VWF: variants seen among roughly 807,000 people sequenced by gnomAD.
VWF encodes the protein Factor VIII related antigen.
Under a neutral mutation model 308.6 loss-of-function variants are expected in VWF, and 176 were observed. That is an observed-to-expected ratio of 0.57 (90% CI 0.50 to 0.65). VWF has a LOEUF of 0.65. Ranked by LOEUF, VWF falls within the 30% of genes least tolerant of loss-of-function variation. The probability of loss-of-function intolerance (pLI) is 0.00; values close to 1 mark genes in which losing one functional copy is unlikely to be tolerated. For synonymous variants in VWF, 1,385 were observed against 1,443.4 expected, an observed-to-expected ratio of 0.96 and a Z score of 0.92; for missense variants, 3,146 against 3,648.2, an observed-to-expected ratio of 0.86 and a Z score of 3.55.
In VWF at chr12:5,948,989, C is replaced by A; in HGVS notation, c.*26G>T. 6.2e-7 allele frequency: 1 copy of A among 1,604,224 alleles called. No individual in the cohort carries two copies. The highest frequency in any genetic ancestry group is 8.5e-7 in the Non-Finnish European group (1 of 1,175,742). ...GCCATCAGGCCAAGGCAGGCAGCAG[C>A]AGGCACCCATGCAGCTGCAGCAGCC... On this transcript the variant is annotated 3_prime_UTR_variant, in exon 52 of 52. Coordinates refer to ENST00000261405, the MANE Select transcript of VWF (RefSeq NM_000552.5). The surrounding 1 kb of genome is among the most constrained non-coding windows in gnomAD (Gnocchi z 4.4).
At chr12:6,029,536 G>C (rs60831677) in intron 21 of VWF, 48 bp from the exon 22 acceptor site, 2 of 1,609,656 alleles carry the variant, frequency 1.2e-6, no homozygotes, top group Admixed American at 3.4e-5. Context: ...GGGCAGGCTC[G>C]ACAGCCAGAT....
At chr12:6,056,353 G>A (rs1020873990) in intron 15 of VWF, among the ~76,000 whole-genome samples, 1 of 142,110 alleles carries the variant, frequency 7.0e-6, no homozygotes, top group Admixed American at 6.9e-5. Flanking sequence ...AAGCCAACTG[G>A]GGACAGTGAT....
At chr12:6,055,332 C>T (rs1944564382) in intron 15 of VWF, among the ~76,000 whole-genome samples, 1 of 152,228 alleles carries the variant, frequency 6.6e-6, no homozygotes, top group African/African-American at 2.4e-5. Flanking sequence ...ATCTCATTCA[C>T]TCCTCATTAC....
chr12:6,031,102 TAC>T (rs67042989), intron 21 of VWF, among the ~76,000 whole-genome samples: 35,336 of 151,046 alleles, frequency 0.23, 4,313 homozygotes, highest in African/African-American at 0.26. Context: ...CATCACTTCA[TAC>T]ACACACACAC....
At chr12:6,111,672 C>A (rs749451540) in intron 3 of VWF, among the ~76,000 whole-genome samples, 3 of 152,140 alleles carry the variant, frequency 2.0e-5, no homozygotes, top group Non-Finnish European at 2.9e-5. Context: ...TGGTATCGGT[C>A]GAGTGCGGTG....
rs999435230 is a variant in VWF, at chr12:5,991,950, T to C, written c.6667A>G (p.Asn2223Asp). ...GGATGGTCCCCACAGGAGCTCACGT[T>C]GCCATCACAGTGCCGGGGACAGCCA... ...EHGCPRHCDG[N>D]VSSCGDHPSE... The change falls in exon 38 of 52, where the codon AAC becomes GAC. Residue 2223 changes from asparagine (N) to aspartate (D), a missense_variant. Around this residue, in one of 3 missense-constraint regions of VWF, gnomAD observed 989 missense variants for 1,117.4 expected, o/e 0.89. Coordinates refer to ENST00000261405, the MANE Select transcript of VWF (RefSeq NM_000552.5). The C allele has an allele frequency of 6.2e-7, 1 of 1,614,094 alleles. No homozygotes were observed. The highest frequency in any genetic ancestry group is 1.3e-5 in the African/African-American group (1 of 74,938).
chr12:5,968,229 C>A lies in VWF; in HGVS notation c.7730-62G>T, dbSNP rs992092391. ...AACACACCCTGGTGAGACCGGCGAG[C>A]AGGCTGCTCTCTTTGGGGCTCCTCC... On this transcript the variant is annotated intron_variant, in intron 45 of 51. Transcript: ENST00000261405. The A allele has an allele frequency of 3.7e-6, 6 of 1,603,732 alleles. No individual in the cohort carries two copies. In the African/African-American group the frequency reaches 8.0e-5, roughly 21 times the overall value.
chr12:5,964,032 C>T (rs1035506729), intron 47 of VWF, among the ~76,000 whole-genome samples: 1 of 151,996 alleles, frequency 6.6e-6, no homozygotes, highest in Non-Finnish European at 1.5e-5. Context: ...ACGGTGAAAC[C>T]CCGTCTCTAC....
At chr12:6,001,564 A>C (rs898000742) in intron 34 of VWF, among the ~76,000 whole-genome samples, 2 of 152,192 alleles carry the variant, frequency 1.3e-5, no homozygotes, top group African/African-American at 2.4e-5. Context: ...AACAGCTGTG[A>C]ATATCTATGC....
chr12:5,995,485 G>A (rs1294471119), intron 35 of VWF, among the ~76,000 whole-genome samples: 3 of 152,064 alleles, frequency 2.0e-5, no homozygotes, highest in Admixed American at 1.3e-4. Flanking sequence ...ATTTCTACAC[G>A]AACAAGTAAA....
chr12:5,950,238 C>T (rs966358644), intron 50 of VWF, among the ~76,000 whole-genome samples: 2 of 152,110 alleles, frequency 1.3e-5, no homozygotes, highest in African/African-American at 4.8e-5. Context: ...TAACTACATT[C>T]AGAAGCTAAT....
intron 50 of VWF, among the ~76,000 whole-genome samples, chr12:5,950,739 C>T (rs997486718): frequency 6.6e-6 from 1 of 151,958 alleles, no homozygotes; most frequent in African/African-American, 2.4e-5. Context: ...GCTTATTGTC[C>T]TTATTAAAGA....
intron 47 of VWF, 90 bp from the exon 48 acceptor site, chr12:5,953,684 TC>T: frequency 9.4e-7 from 1 of 1,066,412 alleles, no homozygotes; most frequent in Non-Finnish European, 1.5e-6. Context: ...CTCTCATCTC[TC>T]TCATCCAGTA....
At chr12:5,993,441 T>C (rs216897) in intron 37 of VWF, among the ~76,000 whole-genome samples, 79,536 of 151,858 alleles carry the variant, frequency 0.52, 21,324 homozygotes, top group East Asian at 0.75. Flanking sequence ...ACACTGTAAG[T>C]GTGTGCTAAA....
At chr12:5,984,930 ACCT>A (rs745994036) in intron 40 of VWF, 112 bp downstream of exon 40, 17 of 1,149,690 alleles carry the variant, frequency 1.5e-5, no homozygotes, top group Non-Finnish European at 2.1e-5. Flanking sequence ...GTCCTTACCC[ACCT>A]CCTTTCACAC....
rs948945863 is a variant in VWF at position 6,063,867 on chromosome 12, C to T, written c.1432+379G>A. 1.3e-5 allele frequency among the ~76,000 whole-genome samples: 2 copies of T among 152,132 alleles called. No individual in the cohort carries two copies. Among genetic ancestry groups the T allele is most frequent in the Non-Finnish European group, 2.9e-5 (2 of 68,022 alleles). ...CTGGTGTGACATCACCAGCCACCCC[C>T]GATCTCTCAGCATCAGCCTCTGCCC... On this transcript the variant is annotated intron_variant, in intron 12 of 51. Coordinates refer to ENST00000261405, the MANE Select transcript of VWF (RefSeq NM_000552.5). The surrounding 1 kb of genome is among the most constrained non-coding windows in gnomAD (Gnocchi z 4.9).
At position 5,993,982 on chromosome 12, in the gene VWF, A is replaced by G. The variant is rs756524650; in HGVS notation, c.6478T>C (p.Tyr2160His). The G allele has an allele frequency of 5.0e-6, 8 of 1,614,194 alleles. No homozygotes were observed. Among genetic ancestry groups the G allele is most frequent in the Non-Finnish European group, 6.8e-6 (8 of 1,180,040 alleles). The change falls in exon 37 of 52, where the codon TAT (tyrosine) becomes CAT (histidine). Residue 2160 changes from tyrosine to histidine, a missense_variant. Transcript: ENST00000261405. ...CHKVLAPATF[Y>H]AICQQDSCHQ... ...CAACTGTCCTGCTGGCAGATGGCATAGAATGTGGCTGGAGCCAGGACCTTG... is the reference window on the plus strand; with the variant it reads ...CAACTGTCCTGCTGGCAGATGGCATGGAATGTGGCTGGAGCCAGGACCTTG...
At chr12:6,109,936 C>T (rs1435591952) in intron 5 of VWF, among the ~76,000 whole-genome samples, 2 of 152,212 alleles carry the variant, frequency 1.3e-5, no homozygotes, top group African/African-American at 2.4e-5. Flanking sequence ...AGGGGTAAGC[C>T]ACTGCGCCCA....
At chr12:6,102,256 A>T (rs933073515) in intron 5 of VWF, among the ~76,000 whole-genome samples, 1 of 152,054 alleles carries the variant, frequency 6.6e-6, no homozygotes, top group Admixed American at 6.6e-5. Context: ...AGCTTGGTCA[A>T]CATGGTGAAA....
Sources: allele counts gnomAD v4.1 joint callset (sites outside exome capture counted in the v4.1 genomes callset), GRCh38; gene constraint gnomAD v4.1.1; regional missense constraint gnomAD v4.1.1; non-coding constraint Gnocchi (gnomAD v3.1); transcripts MANE v1.5; gene names NCBI Gene and HGNC (gene_info 2026-07-23, HGNC 2026-07-21).